Variants in GNA14 observed in about 807,000 individuals in gnomAD.
GNA14 encodes the protein G protein subunit alpha 14.
Under a neutral mutation model 42.0 loss-of-function variants are expected in GNA14, and 50 were observed. The ratio of observed to expected loss-of-function variants is 1.19; its 90% CI spans 0.95 to 1.51. The LOEUF (loss-of-function observed/expected upper bound fraction) is 1.51, where lower values mean the gene tolerates loss of function less well. Ranked by LOEUF, GNA14 falls within the 40% of genes most tolerant of loss-of-function variation. The pLI is 0.00. For missense variants in GNA14, 473 were observed against 446.2 expected (o/e 1.06, Z -0.54); for synonymous variants, 173 against 163.1 (o/e 1.06, Z -0.46).
At position 77,545,519 on chromosome 9, in the gene GNA14, T is replaced by C. The variant is rs139826030; in HGVS notation, c.125-16266A>G. Among the ~76,000 whole-genome samples, 172 of 152,306 alleles carry C rather than the reference T, an allele frequency of 1.1e-3. 1 individual carries two copies. The highest frequency in any genetic ancestry group is 3.6e-3 in the African/African-American group (148 of 41,580). On this transcript the variant is annotated intron_variant, in intron 1 of 6. Coordinates refer to ENST00000341700, the MANE Select transcript of GNA14 (RefSeq NM_004297.4). ...GCAAATTTGCTCTTGAAAGGTCCAG[T>C]TTATGAATGCGTGGTCAAAGTAACA...
At chr9:77,479,191 A>G (rs895562096) in intron 2 of GNA14, among the ~76,000 whole-genome samples, 1 of 152,106 alleles carries the variant, frequency 6.6e-6, no homozygotes, top group Non-Finnish European at 1.5e-5. Flanking sequence ...TGTTGAATTA[A>G]TTTTTGTATA....
At chr9:77,485,912 T>C (rs1262877282) in intron 2 of GNA14, among the ~76,000 whole-genome samples, 2 of 152,084 alleles carry the variant, frequency 1.3e-5, no homozygotes, top group Admixed American at 6.6e-5. Flanking sequence ...ACAGGTAGAG[T>C]AGATTTTGTG....
At chr9:77,525,263 T>A (rs543257369) in intron 2 of GNA14, among the ~76,000 whole-genome samples, 1 of 152,136 alleles carries the variant, frequency 6.6e-6, no homozygotes, top group African/African-American at 2.4e-5. Flanking sequence ...TACAGAAAAG[T>A]TTGCAGACTC....
At chr9:77,471,176 T>C (rs911785364) in intron 2 of GNA14, among the ~76,000 whole-genome samples, 12 of 152,158 alleles carry the variant, frequency 7.9e-5, no homozygotes, top group African/African-American at 2.7e-4. Flanking sequence ...GGTTCAGCCC[T>C]ACCAGGAAAT....
chr9:77,604,124 G>A (rs367868718), intron 1 of GNA14, among the ~76,000 whole-genome samples: 61 of 151,832 alleles, frequency 4.0e-4, no homozygotes, highest in Admixed American at 1.9e-3. Context: ...GAGCTATTTC[G>A]GCTGAGATGC....
chr9:77,471,954 A>G (rs568391890), intron 2 of GNA14, among the ~76,000 whole-genome samples: 1 of 152,328 alleles, frequency 6.6e-6, no homozygotes, highest in East Asian at 1.9e-4. Flanking sequence ...GAAGCAGCCT[A>G]TTGGGGTTGT....
intron 2 of GNA14, among the ~76,000 whole-genome samples, chr9:77,522,563 G>A (rs74845196): frequency 0.051 from 7,729 of 152,258 alleles, 229 homozygotes; most frequent in South Asian, 0.072. Context: ...GCTATGGAAA[G>A]GTTGACAGAA....
chr9:77,425,694 C>T lies in GNA14; in HGVS notation c.745G>A (p.Ala249Thr). 6.2e-7 allele frequency: 1 copy of T among 1,608,792 alleles called. No homozygotes were observed. Among genetic ancestry groups the T allele is most frequent in the Non-Finnish European group, 8.5e-7 (1 of 1,177,050 alleles). Residue 249 changes from alanine (A) to threonine (T), a missense_variant, in exon 6 of 7, where the codon GCC (alanine) becomes ACC (threonine). Coordinates refer to ENST00000341700, the MANE Select transcript of GNA14 (RefSeq NM_004297.4). ...DNENRMEESKALFKTIITYPW... is the reference protein window; with the variant it reads ...DNENRMEESKTLFKTIITYPW... ...TAGGTGATGATGGTTTTAAATAAGG[C>T]TTTGCTCTCTTCCATGCGATTCTAA...
At chr9:77,482,522 A>T (rs1350303427) in intron 2 of GNA14, among the ~76,000 whole-genome samples, 1 of 152,060 alleles carries the variant, frequency 6.6e-6, no homozygotes, top group Non-Finnish European at 1.5e-5. Flanking sequence ...TGAATCTGAC[A>T]ATTAAGTGTC....
chr9:77,553,038 G>C (rs1837804766), intron 1 of GNA14, among the ~76,000 whole-genome samples: 1 of 152,132 alleles, frequency 6.6e-6, no homozygotes. Context: ...TGACCTGCTG[G>C]AAAAACACAT....
intron 2 of GNA14, among the ~76,000 whole-genome samples, chr9:77,478,473 T>A (rs1259307360): frequency 6.6e-6 from 1 of 152,190 alleles, no homozygotes; most frequent in Non-Finnish European, 1.5e-5. Context: ...TTGTGAATAG[T>A]GCCGCAATAA....
chr9:77,469,451 G>C (rs761749744), intron 2 of GNA14, among the ~76,000 whole-genome samples: 4 of 144,282 alleles, frequency 2.8e-5, no homozygotes, highest in Non-Finnish European at 4.5e-5. Flanking sequence ...GTTATTGTTT[G>C]TGTCACCCTA....
At chr9:77,544,155 A>C (rs892871575) in intron 1 of GNA14, among the ~76,000 whole-genome samples, 2 of 152,218 alleles carry the variant, frequency 1.3e-5, no homozygotes, top group Non-Finnish European at 2.9e-5. Flanking sequence ...AGAGTTACAC[A>C]ATTGTGCTCA....
At chr9:77,500,298 G>A (rs141904021) in intron 2 of GNA14, among the ~76,000 whole-genome samples, 2,730 of 152,192 alleles carry the variant, frequency 0.018, 31 homozygotes, top group Non-Finnish European at 0.025. Context: ...GATTACAGGC[G>A]TGAGCCACTG....
chr9:77,427,943 T>G (rs1490990219), intron 5 of GNA14, among the ~76,000 whole-genome samples: 1 of 152,128 alleles, frequency 6.6e-6, no homozygotes, highest in Non-Finnish European at 1.5e-5. Context: ...CCAGGTAAAG[T>G]GTTTTAGAGA....
At chr9:77,599,888 A>C (rs1360166056) in intron 1 of GNA14, among the ~76,000 whole-genome samples, 1 of 152,162 alleles carries the variant, frequency 6.6e-6, no homozygotes, top group African/African-American at 2.4e-5. Context: ...AATCTAGCAA[A>C]ACAAAAAATT....
intron 1 of GNA14, among the ~76,000 whole-genome samples, chr9:77,639,735 T>G (rs908555015): frequency 2.0e-5 from 3 of 152,254 alleles, no homozygotes; most frequent in Non-Finnish European, 4.4e-5. Flanking sequence ...CCTGCCCTTT[T>G]GCGGAGCCTC....
At chr9:77,545,677 T>A (rs1187725020) in intron 1 of GNA14, among the ~76,000 whole-genome samples, 2 of 152,210 alleles carry the variant, frequency 1.3e-5, no homozygotes, top group Non-Finnish European at 2.9e-5. Context: ...GACCTGCTGA[T>A]TCCCTGGTCA....
At chr9:77,448,014 C>T (rs1835850288) in intron 2 of GNA14, among the ~76,000 whole-genome samples, 1 of 152,162 alleles carries the variant, frequency 6.6e-6, no homozygotes, top group Admixed American at 6.5e-5. Flanking sequence ...TTGTATGATG[C>T]CAGTGTATGC....
Sources: allele counts gnomAD v4.1 joint callset (sites outside exome capture counted in the v4.1 genomes callset), GRCh38; gene constraint gnomAD v4.1.1; transcripts MANE v1.5; gene names NCBI Gene and HGNC (gene_info 2026-07-23, HGNC 2026-07-21).